CSMD1: variants seen among roughly 807,000 people sequenced by gnomAD.
CSMD1 encodes CUB and Sushi multiple domains 1, also known as CUB and sushi domain-containing protein 1.
A neutral mutation model predicts 417.5 loss-of-function variants in CSMD1; 213 were observed. That is an observed-to-expected ratio of 0.51 (90% confidence interval 0.46 to 0.57). CSMD1 has a LOEUF of 0.57. CSMD1 is among the 20% of genes least tolerant of loss of function. The pLI is 0.00. For missense variants in CSMD1, 6,923 were observed against 4,529.7 expected (o/e 1.53, Z -15.17); for synonymous variants, 2,862 against 1,736.8 (o/e 1.65, Z -16.11).
At chr8:4,950,305 T>A (rs1347856069) in intron 1 of CSMD1, among the ~76,000 whole-genome samples, 1 of 152,168 alleles carries the variant, frequency 6.6e-6, no homozygotes, top group Non-Finnish European at 1.5e-5. Flanking sequence ...AGTAAGTAAA[T>A]GATTTTCTCA....
chr8:4,841,768 G>A (rs1222739532), intron 1 of CSMD1, among the ~76,000 whole-genome samples: 1 of 151,604 alleles, frequency 6.6e-6, no homozygotes, highest in East Asian at 1.9e-4. Context: ...AAAATTAGCT[G>A]GGCGTGGTGG....
chr8:3,098,159 A>G (rs1026930399), intron 46 of CSMD1, among the ~76,000 whole-genome samples: 1 of 152,230 alleles, frequency 6.6e-6, no homozygotes, highest in Non-Finnish European at 1.5e-5. Flanking sequence ...ATGGTTCAAA[A>G]ATAAAAAATG....
chr8:3,080,120 G>A (rs1316830818), intron 49 of CSMD1, among the ~76,000 whole-genome samples: 3 of 152,216 alleles, frequency 2.0e-5, no homozygotes, highest in Non-Finnish European at 4.4e-5. Flanking sequence ...AGCCACAGCT[G>A]ATAGAAGGCT....
At chr8:4,415,011 G>A (rs1225708075) in intron 3 of CSMD1, among the ~76,000 whole-genome samples, 1 of 152,162 alleles carries the variant, frequency 6.6e-6, no homozygotes, top group Admixed American at 6.5e-5. Context: ...TCACATAGAA[G>A]CATAGGCAAG....
intron 10 of CSMD1, among the ~76,000 whole-genome samples, chr8:3,561,664 T>C (rs766792564): frequency 6.6e-6 from 1 of 152,084 alleles, no homozygotes; most frequent in Admixed American, 6.5e-5. Context: ...GAATTGCACA[T>C]TGGGTACCAT....
intron 5 of CSMD1, among the ~76,000 whole-genome samples, chr8:3,904,480 G>C (rs1239864100): frequency 1.3e-5 from 2 of 152,174 alleles, no homozygotes; most frequent in Non-Finnish European, 2.9e-5. Flanking sequence ...TTTGGCCATG[G>C]TTGTTCTACG....
At chr8:3,178,697 G>C (rs1305748974) in intron 37 of CSMD1, among the ~76,000 whole-genome samples, 5 of 152,048 alleles carry the variant, frequency 3.3e-5, no homozygotes, top group African/African-American at 1.2e-4. Context: ...GCGGTAACAA[G>C]TTTAGAGCAA....
intron 12 of CSMD1, among the ~76,000 whole-genome samples, chr8:3,460,043 G>A (rs1364269416): frequency 6.6e-6 from 1 of 152,150 alleles, no homozygotes; most frequent in Non-Finnish European, 1.5e-5. Flanking sequence ...CACAGGTGTG[G>A]GGCATAAAGA....
chr8:3,736,121 T>A (rs887872417), intron 6 of CSMD1, among the ~76,000 whole-genome samples: 2 of 152,216 alleles, frequency 1.3e-5, no homozygotes, highest in African/African-American at 2.4e-5. Flanking sequence ...TTTACATACA[T>A]TAAATCTTTT....
intron 1 of CSMD1, among the ~76,000 whole-genome samples, chr8:4,898,443 A>G (rs1322540635): frequency 6.6e-6 from 1 of 151,506 alleles, no homozygotes; most frequent in Non-Finnish European, 1.5e-5. Flanking sequence ...GAAGGACCGC[A>G]TGGGTGTAGA....
At chr8:3,188,865 A>C (rs1299137129) in intron 35 of CSMD1, 22 bp downstream of exon 35, 2 of 1,543,764 alleles carry the variant, frequency 1.3e-6, no homozygotes, top group South Asian at 2.4e-5. Flanking sequence ...CCTGTTGTAG[A>C]CTGTGGACTT....
intron 1 of CSMD1, among the ~76,000 whole-genome samples, chr8:4,929,615 C>A (rs4076110): frequency 6.6e-6 from 1 of 152,138 alleles, no homozygotes; most frequent in Non-Finnish European, 1.5e-5. Flanking sequence ...ATGATTTCAT[C>A]ATTTGTCACC....
At chr8:4,191,592 G>C (rs752833134) in intron 3 of CSMD1, among the ~76,000 whole-genome samples, 6 of 152,024 alleles carry the variant, frequency 3.9e-5, no homozygotes, top group African/African-American at 7.2e-5. Flanking sequence ...CTGTTCTTCA[G>C]CTGTTTAAGC....
intron 2 of CSMD1, among the ~76,000 whole-genome samples, chr8:4,487,427 G>A (rs528844742): frequency 4.6e-5 from 7 of 152,056 alleles, no homozygotes; most frequent in Admixed American, 2.0e-4. Context: ...TTGGTTTTTC[G>A]TTCTTGCGAT....
chr8:3,598,755 C>A (rs1801213556), intron 8 of CSMD1, among the ~76,000 whole-genome samples: 1 of 152,102 alleles, frequency 6.6e-6, no homozygotes, highest in African/African-American at 2.4e-5. Flanking sequence ...CCCCCCGCCC[C>A]TTCTTTTGAG....
At chr8:4,751,247 T>G (rs1811306197) in intron 1 of CSMD1, among the ~76,000 whole-genome samples, 1 of 152,010 alleles carries the variant, frequency 6.6e-6, no homozygotes, top group Non-Finnish European at 1.5e-5. Flanking sequence ...TAGGCAGACA[T>G]TGTGGCACGC....
At chr8:3,552,199 A>G (rs1289642914) in intron 10 of CSMD1, among the ~76,000 whole-genome samples, 1 of 152,202 alleles carries the variant, frequency 6.6e-6, no homozygotes, top group Non-Finnish European at 1.5e-5. Flanking sequence ...TGTCTGTGGA[A>G]AAGACAACAT....
At chr8:3,312,599 C>A (rs946824351) in intron 23 of CSMD1, among the ~76,000 whole-genome samples, 1 of 152,090 alleles carries the variant, frequency 6.6e-6, no homozygotes, top group South Asian at 2.1e-4. Flanking sequence ...GAATCATAGG[C>A]CTTTACAATG....
At chr8:4,668,052 A>G (rs567888500) in intron 1 of CSMD1, among the ~76,000 whole-genome samples, 10 of 152,218 alleles carry the variant, frequency 6.6e-5, no homozygotes, top group Non-Finnish European at 5.9e-5. Flanking sequence ...CTTATTTTGT[A>G]ACATTAACAC....
Sources: gnomAD v4.1 joint callset for allele counts (sites outside exome capture counted in the v4.1 genomes callset) on GRCh38, gnomAD v4.1.1 for gene constraint, MANE v1.5 for transcripts, NCBI Gene and HGNC (gene_info 2026-07-23, HGNC 2026-07-21) for gene names.